CDH10: variants seen among roughly 807,000 people sequenced by gnomAD.
CDH10 encodes the protein cadherin-10.
CDH10 carries 30 observed loss-of-function variants against 73.1 expected under a neutral mutation model. That is an observed-to-expected ratio of 0.41 (90% CI 0.31 to 0.56). The LOEUF (loss-of-function observed/expected upper bound fraction) is 0.56, where lower values mean the gene tolerates loss of function less well. CDH10 is among the 20% of genes least tolerant of loss of function. The pLI, the probability that CDH10 is intolerant of heterozygous loss-of-function variation, is 0.27. For synonymous variants in CDH10, 345 were observed against 348.2 expected, an observed-to-expected ratio of 0.99 and a Z score of 0.10; for missense variants, 815 against 973.7, an observed-to-expected ratio of 0.84 and a Z score of 2.17.
chr5:24,507,832 A>C (rs1477383254), intron 7 of CDH10, among the ~76,000 whole-genome samples: 22 of 152,168 alleles, frequency 1.4e-4, no homozygotes, highest in Non-Finnish European at 1.8e-4. Context: ...AGAGGCATTT[A>C]TGGGAAAATC....
chr5:24,560,200 TTGTGTG>T (rs70965615), intron 2 of CDH10, among the ~76,000 whole-genome samples: 8,159 of 147,632 alleles, frequency 0.055, 305 homozygotes, highest in Admixed American at 0.11. Context: ...ATATTTGCAA[TTGTGTG>T]TGTGTGTGTG....
intron 5 of CDH10, among the ~76,000 whole-genome samples, chr5:24,512,703 T>C (rs1367788955): frequency 6.6e-6 from 1 of 152,108 alleles, no homozygotes; most frequent in Non-Finnish European, 1.5e-5. Flanking sequence ...CTACTGCTAA[T>C]GAGATTTATG....
chr5:24,537,238 T>C (rs1037777861), intron 3 of CDH10, 142 bp downstream of exon 3: 13 of 566,862 alleles, frequency 2.3e-5, no homozygotes, highest in Non-Finnish European at 3.6e-5. Flanking sequence ...TCTGATTGTC[T>C]CCTAAAAGAA....
At chr5:24,567,048 C>T (rs1745189155) in intron 2 of CDH10, among the ~76,000 whole-genome samples, 1 of 152,026 alleles carries the variant, frequency 6.6e-6, no homozygotes, top group Non-Finnish European at 1.5e-5. Context: ...CTTGAATAAA[C>T]TGATATATAC....
chr5:24,529,321 T>G (rs1314072969), intron 5 of CDH10, among the ~76,000 whole-genome samples: 2 of 152,026 alleles, frequency 1.3e-5, no homozygotes, highest in Non-Finnish European at 2.9e-5. Flanking sequence ...GTTGTAGTTG[T>G]GTATAATCTT....
At chr5:24,555,513 T>A (rs1357806306) in intron 2 of CDH10, among the ~76,000 whole-genome samples, 1 of 152,132 alleles carries the variant, frequency 6.6e-6, no homozygotes, top group African/African-American at 2.4e-5. Flanking sequence ...CATGCTAGTA[T>A]CAGTTTCTCT....
intron 2 of CDH10, among the ~76,000 whole-genome samples, chr5:24,577,006 TA>T (rs143942567): frequency 0.51 from 74,127 of 144,174 alleles, 18,857 homozygotes; most frequent in African/African-American, 0.59. Flanking sequence ...GCTAAAATAT[TA>T]AAAAAAAAAA....
intron 5 of CDH10, among the ~76,000 whole-genome samples, chr5:24,513,824 G>A (rs6452207): frequency 0.48 from 72,528 of 151,658 alleles, 17,449 homozygotes; most frequent in East Asian, 0.58. Context: ...TATTCTAATG[G>A]CTCCCCTGTT....
intron 1 of CDH10, among the ~76,000 whole-genome samples, chr5:24,624,251 G>T (rs188210754): frequency 2.1e-4 from 32 of 152,156 alleles, no homozygotes; most frequent in African/African-American, 7.5e-4. Context: ...TATTCACATT[G>T]TATTGTCTGA....
intron 1 of CDH10, among the ~76,000 whole-genome samples, chr5:24,640,709 C>G (rs1748019873): frequency 1.3e-5 from 2 of 151,778 alleles, no homozygotes; most frequent in South Asian, 4.1e-4. Context: ...ATTTTATTTC[C>G]TAAAATGATG....
At chr5:24,624,005 C>T (rs1208075659) in intron 1 of CDH10, among the ~76,000 whole-genome samples, 1 of 151,996 alleles carries the variant, frequency 6.6e-6, no homozygotes, top group African/African-American at 2.4e-5. Flanking sequence ...AGCATAACAG[C>T]AGGTTGAAGG....
At chr5:24,560,218 G>GTA (rs1561163364) in intron 2 of CDH10, among the ~76,000 whole-genome samples, 1 of 140,480 alleles carries the variant, frequency 7.1e-6, no homozygotes, top group African/African-American at 2.5e-5. Flanking sequence ...GTGTGTGTGT[G>GTA]TGTGTGTGTG....
chr5:24,560,395 A>C (rs1049996766), intron 2 of CDH10, among the ~76,000 whole-genome samples: 7 of 151,998 alleles, frequency 4.6e-5, no homozygotes, highest in African/African-American at 1.7e-4. Context: ...ACTGACTTCC[A>C]CTTCTTACTA....
At chr5:24,561,950 A>C (rs1490224491) in intron 2 of CDH10, among the ~76,000 whole-genome samples, 1 of 152,098 alleles carries the variant, frequency 6.6e-6, no homozygotes, top group African/African-American at 2.4e-5. Context: ...CAAACAAAAA[A>C]CATATGTGAT....
intron 2 of CDH10, among the ~76,000 whole-genome samples, chr5:24,580,240 T>C (rs1368180138): frequency 1.3e-5 from 2 of 152,290 alleles, no homozygotes; most frequent in African/African-American, 2.4e-5. Context: ...GATTATTATA[T>C]AGACTATATA....
chr5:24,644,146 G>A (rs1053374118), intron 1 of CDH10, among the ~76,000 whole-genome samples: 5 of 152,116 alleles, frequency 3.3e-5, no homozygotes, highest in Non-Finnish European at 5.9e-5. Flanking sequence ...CTATGACTAC[G>A]AATAAGTGCA....
chr5:24,613,917 T>G (rs1747041549), intron 1 of CDH10, among the ~76,000 whole-genome samples: 2 of 152,136 alleles, frequency 1.3e-5, no homozygotes, highest in African/African-American at 4.8e-5. Context: ...AAGCATTCAT[T>G]TAAGAATGGG....
intron 5 of CDH10, among the ~76,000 whole-genome samples, chr5:24,527,678 A>G (rs977889848): frequency 2.6e-5 from 4 of 151,918 alleles, no homozygotes; most frequent in South Asian, 2.1e-4. Flanking sequence ...ATAGCTAAAC[A>G]CAGTAAAAAA....
chr5:24,590,041 T>G (rs1462142989), intron 2 of CDH10, among the ~76,000 whole-genome samples: 1 of 151,972 alleles, frequency 6.6e-6, no homozygotes, highest in Non-Finnish European at 1.5e-5. Flanking sequence ...TAAAGGTCAG[T>G]GTTATGATTA....
Sources: allele counts gnomAD v4.1 joint callset (sites outside exome capture counted in the v4.1 genomes callset), GRCh38; gene constraint gnomAD v4.1.1; transcripts MANE v1.5; gene names NCBI Gene and HGNC (gene_info 2026-07-23, HGNC 2026-07-21).